The following CADPS2 variants were observed in gnomAD, a reference collection of about 807,000 sequenced individuals.
CADPS2 encodes calcium-dependent secretion activator 2.
CADPS2 carries 93 observed loss-of-function variants against 172.5 expected under a neutral mutation model. The ratio of observed to expected loss-of-function variants is 0.54; its 90% CI spans 0.46 to 0.64. CADPS2 has a LOEUF of 0.64. Ranked by LOEUF, CADPS2 falls within the 30% of genes least tolerant of loss-of-function variation. CADPS2 has a pLI of 0.00. For synonymous variants in CADPS2, 546 were observed against 555.2 expected, an observed-to-expected ratio of 0.98 and a Z score of 0.23; for missense variants, 1,420 against 1,565.9, an observed-to-expected ratio of 0.91 and a Z score of 1.57.
intron 1 of CADPS2, among the ~76,000 whole-genome samples, chr7:122,739,031 T>G (rs1426091647): frequency 6.6e-6 from 1 of 152,082 alleles, no homozygotes; most frequent in Non-Finnish European, 1.5e-5. Flanking sequence ...GCAGGTACCT[T>G]TTGTATGGGT....
chr7:122,649,891 T>G (rs1272807658), intron 3 of CADPS2, among the ~76,000 whole-genome samples: 1 of 147,420 alleles, frequency 6.8e-6, no homozygotes, highest in Non-Finnish European at 1.5e-5. Context: ...TTCTTAAGTA[T>G]TCAATGATTT....
At chr7:122,441,900 T>C (rs531938448) in intron 15 of CADPS2, among the ~76,000 whole-genome samples, 1 of 152,358 alleles carries the variant, frequency 6.6e-6, no homozygotes, top group East Asian at 1.9e-4. Flanking sequence ...ATTTCTTGTT[T>C]AAGAATTGTT....
intron 24 of CADPS2, among the ~76,000 whole-genome samples, chr7:122,385,841 G>A (rs1343749604): frequency 6.6e-6 from 1 of 151,940 alleles, no homozygotes; most frequent in African/African-American, 2.4e-5. Context: ...TGGCCTCCTG[G>A]TTCAAGTTTT....
intron 9 of CADPS2, among the ~76,000 whole-genome samples, chr7:122,504,104 A>T (rs911486310): frequency 2.6e-5 from 4 of 152,164 alleles, no homozygotes. Context: ...TTACTTACTT[A>T]TCCTTATTCT....
At chr7:122,697,205 CA>C (rs572862844) in intron 2 of CADPS2, among the ~76,000 whole-genome samples, 22 of 151,040 alleles carry the variant, frequency 1.5e-4, no homozygotes, top group South Asian at 4.2e-4. Context: ...ATGCATATCA[CA>C]AAAAAAATGT....
chr7:122,819,051 C>A (rs1013011087), intron 1 of CADPS2, among the ~76,000 whole-genome samples: 8 of 152,100 alleles, frequency 5.3e-5, no homozygotes, highest in South Asian at 4.1e-4. Flanking sequence ...TCAAGGTGAA[C>A]AATAATAGAA....
chr7:122,836,400 T>TA (rs1416368302), intron 1 of CADPS2, among the ~76,000 whole-genome samples: 5 of 151,910 alleles, frequency 3.3e-5, no homozygotes, highest in African/African-American at 1.2e-4. Context: ...GCTAACATCA[T>TA]AATGACAGGA....
At chr7:122,379,125 G>A (rs942272278) in intron 25 of CADPS2, 3 of 354,460 alleles carry the variant, frequency 8.5e-6, no homozygotes, top group Non-Finnish European at 5.2e-6. Context: ...TGGAAGAAGA[G>A]TTAGTTTTAA....
chr7:122,341,057 A>G (rs547838800), intron 28 of CADPS2, among the ~76,000 whole-genome samples: 36 of 152,324 alleles, frequency 2.4e-4, no homozygotes, highest in African/African-American at 8.4e-4. Context: ...TGGTCACGTG[A>G]GAGGCAGAGA....
intron 20 of CADPS2, among the ~76,000 whole-genome samples, chr7:122,396,900 G>A (rs951646919): frequency 6.6e-6 from 1 of 152,162 alleles, no homozygotes; most frequent in Non-Finnish European, 1.5e-5. Flanking sequence ...CCCTGGCTCA[G>A]AGCAAGTAAT....
In CADPS2 at chr7:122,416,162, T is replaced by A; in HGVS notation, c.2479A>T (p.Thr827Ser). The change falls in exon 18 of 30, where the codon ACC becomes TCC. Residue 827 changes from threonine to serine, a missense_variant and splice_region_variant. Thr to Ser is a moderately conservative substitution (Grantham distance 58, BLOSUM62 1). Coordinates refer to ENST00000449022, the MANE Select transcript of CADPS2 (RefSeq NM_017954.11). The stretch of plus-strand genomic sequence containing the variant: ...CTAGCAGGAGATGCCTGGTTCATGG[T>A]CTCTATATGAAAAAAAATCATAATC... ...RLTEYAKIEE[T>S]MNQASPARKL... is the part of the protein sequence containing the mutation. The A allele has an allele frequency of 6.6e-7, 1 of 1,522,442 alleles. No individual in the cohort carries two copies. 94.3% of individuals were successfully genotyped at this position (1,522,442 alleles called of 1,614,324 possible).
intron 1 of CADPS2, among the ~76,000 whole-genome samples, chr7:122,817,993 C>T (rs866077822): frequency 8.0e-5 from 12 of 150,390 alleles, no homozygotes; most frequent in South Asian, 2.1e-4. Flanking sequence ...TTCCATGCCC[C>T]GACCCCTTAT....
At chr7:122,419,764 T>A (rs2151796786) in intron 17 of CADPS2, among the ~76,000 whole-genome samples, 1 of 149,578 alleles carries the variant, frequency 6.7e-6, no homozygotes. Flanking sequence ...AACATGTTTT[T>A]CATAAAGAAA....
intron 1 of CADPS2, among the ~76,000 whole-genome samples, chr7:122,761,321 A>G (rs1400326143): frequency 6.6e-6 from 1 of 152,190 alleles, no homozygotes; most frequent in African/African-American, 2.4e-5. Flanking sequence ...CCAGGCCAAT[A>G]CTCATCTCTG....
At chr7:122,723,505 A>G (rs914779581) in intron 2 of CADPS2, among the ~76,000 whole-genome samples, 82 of 152,228 alleles carry the variant, frequency 5.4e-4, no homozygotes, top group Admixed American at 1.8e-3. Flanking sequence ...TTAGAATGGC[A>G]ATCATTAAAA....
At chr7:122,360,879 A>T in intron 26 of CADPS2, 51 bp downstream of exon 26, 2 of 1,596,006 alleles carry the variant, frequency 1.3e-6, no homozygotes, top group East Asian at 2.2e-5. Flanking sequence ...CCATATAAGT[A>T]CTATGACAAC....
intron 3 of CADPS2, among the ~76,000 whole-genome samples, chr7:122,658,572 A>C (rs192202463): frequency 3.3e-4 from 51 of 152,348 alleles, no homozygotes; most frequent in Middle Eastern, 6.8e-3. Flanking sequence ...AGGATGAGTT[A>C]ATGTCCTTTG....
chr7:122,454,240 G>T (rs1035185632), intron 14 of CADPS2, among the ~76,000 whole-genome samples: 1 of 152,050 alleles, frequency 6.6e-6, no homozygotes, highest in East Asian at 1.9e-4. Context: ...TTTTGTACTG[G>T]CTATCTTATA....
chr7:122,580,664 G>A (rs2068692257), intron 7 of CADPS2, among the ~76,000 whole-genome samples: 1 of 152,100 alleles, frequency 6.6e-6, no homozygotes, highest in Admixed American at 6.6e-5. Flanking sequence ...TAGGTATGAA[G>A]AGGTGACTAT....
Sources: gnomAD v4.1 joint callset for allele counts (sites outside exome capture counted in the v4.1 genomes callset) on GRCh38, gnomAD v4.1.1 for gene constraint, MANE v1.5 for transcripts, NCBI Gene and HGNC (gene_info 2026-07-23, HGNC 2026-07-21) for gene names.